Variants in PICALM observed in about 807,000 individuals in gnomAD.
PICALM encodes phosphatidylinositol binding clathrin assembly protein.
A neutral mutation model predicts 80.5 loss-of-function variants in PICALM; 40 were observed. That is an observed-to-expected ratio of 0.50 (90% CI 0.39 to 0.65). The LOEUF is 0.65. PICALM is among the 30% of genes least tolerant of loss of function. The pLI is 0.00. For synonymous variants in PICALM, 288 were observed against 260.3 expected, an observed-to-expected ratio of 1.11 and a Z score of -1.02; for missense variants, 676 against 778.9, an observed-to-expected ratio of 0.87 and a Z score of 1.57.
intron 3 of PICALM, among the ~76,000 whole-genome samples, chr11:86,025,942 G>C (rs892606657): frequency 6.6e-6 from 1 of 152,144 alleles, no homozygotes; most frequent in East Asian, 1.9e-4. Context: ...CAATCTTACT[G>C]GGTAGGTACT....
intron 5 of PICALM, 151 bp downstream of exon 5, chr11:86,014,719 T>C (rs2136336134): frequency 2.2e-6 from 1 of 464,404 alleles, no homozygotes; most frequent in East Asian, 3.5e-5. Flanking sequence ...CAGAAAGTAA[T>C]TTGACTTGAG....
intron 13 of PICALM, among the ~76,000 whole-genome samples, chr11:85,987,896 T>C (rs377137783): frequency 1.1e-3 from 161 of 152,376 alleles, no homozygotes; most frequent in African/African-American, 3.6e-3. Flanking sequence ...CCAACTTGCA[T>C]AGCCTTAAAA....
rs964558063 is a variant in PICALM, at chr11:86,027,216, A to C, written c.274-849T>G. ...ACATATTTCTTCATGGTCTCCATGC[A>C]TAAGTATATGAGTATATGAGTTTTT... On this transcript the variant is annotated intron_variant, in intron 2 of 19. Transcript: ENST00000393346. Among the ~76,000 whole-genome samples, 8 of 152,192 alleles carry C rather than the reference A, an allele frequency of 5.3e-5. No homozygotes were observed. The South Asian group carries it at 1.4e-3, about 28-fold the overall frequency.
At chr11:85,978,041 T>C (rs1291696310) in intron 17 of PICALM, 2 of 1,594,130 alleles carry the variant, frequency 1.3e-6, no homozygotes, top group South Asian at 1.1e-5. Flanking sequence ...GCCAATTTAT[T>C]GCAAAAAGGC....
chr11:85,986,025 T>C (rs910481128), intron 13 of PICALM, among the ~76,000 whole-genome samples: 2 of 152,054 alleles, frequency 1.3e-5, no homozygotes, highest in Non-Finnish European at 2.9e-5. Flanking sequence ...TGTGAAATTA[T>C]GACATAATTA....
intron 19 of PICALM, among the ~76,000 whole-genome samples, chr11:85,972,689 T>C (rs1332234530): frequency 6.6e-6 from 1 of 152,240 alleles, no homozygotes; most frequent in Non-Finnish European, 1.5e-5. Context: ...TAGCATGGAC[T>C]ATAGCTTTAA....
At chr11:86,029,993 A>G (rs571880792) in intron 2 of PICALM, among the ~76,000 whole-genome samples, 1 of 152,178 alleles carries the variant, frequency 6.6e-6, no homozygotes, top group Non-Finnish European at 1.5e-5. Flanking sequence ...TAAAAATTAA[A>G]AACTACAAAT....
At chr11:85,969,809 G>C (rs1439912641) in intron 19 of PICALM, 1 of 174,520 alleles carries the variant, frequency 5.7e-6, no homozygotes, top group African/African-American at 2.4e-5. Flanking sequence ...ATGAGCCACT[G>C]TGTTCGGCCA....
chr11:85,967,731 AAAAACAAAACC>A (rs1476839404), intron 19 of PICALM, among the ~76,000 whole-genome samples: 1 of 152,194 alleles, frequency 6.6e-6, no homozygotes, highest in African/African-American at 2.4e-5. Context: ...AACAAAACCA[AAAAACAAAACC>A]AAAACGAAAC....
At chr11:85,961,185 G>T (rs191209987) in intron 19 of PICALM, among the ~76,000 whole-genome samples, 37 of 152,246 alleles carry the variant, frequency 2.4e-4, no homozygotes, top group Admixed American at 1.4e-3. Flanking sequence ...CCAAAGCTGT[G>T]CAACTCTGAC....
chr11:85,994,220 C>T (rs2094886220), intron 12 of PICALM, among the ~76,000 whole-genome samples: 1 of 152,088 alleles, frequency 6.6e-6, no homozygotes, highest in Admixed American at 6.5e-5. Context: ...CCAAAATTTT[C>T]AGGGTGATGA....
At chr11:86,057,190 C>CA (rs1041485274) in intron 1 of PICALM, among the ~76,000 whole-genome samples, 5 of 150,648 alleles carry the variant, frequency 3.3e-5, no homozygotes, top group Admixed American at 6.6e-5. Flanking sequence ...TTTAAAATTG[C>CA]AAAAAAATGT....
chr11:86,021,234 C>G (rs2095557009), intron 4 of PICALM, among the ~76,000 whole-genome samples: 1 of 151,860 alleles, frequency 6.6e-6, no homozygotes, highest in Non-Finnish European at 1.5e-5. Context: ...GCCTGTGTTC[C>G]CAGCTACTCA....
rs1028561696 is a variant in PICALM, at chr11:85,990,310, A to T, written c.1348T>A (p.Ser450Thr). The change falls in exon 13 of 20, where the codon TCC becomes ACC. Residue 450 changes from serine (S) to threonine (T), a missense_variant. Ser to Thr is a moderately conservative substitution (Grantham distance 58). This residue lies in a region of PICALM where 391 missense variants were observed against 383.6 expected (regional missense o/e 1.02). Coordinates refer to ENST00000393346, the MANE Select transcript of PICALM (RefSeq NM_007166.4). The part of the protein sequence containing the change: ...LTKSSGDVHL[S>T]ISSDVSTFTT... ...AAAGTAGATACATCTGAAGAAATGG[A>T]AAGGTGAACATCACCACTACTTTTT... 6.2e-7 allele frequency: 1 copy of T among 1,605,242 alleles called. No individual in the cohort carries two copies. Among genetic ancestry groups the T allele is most frequent in the African/African-American group, 1.3e-5 (1 of 74,778 alleles).
At chr11:86,027,445 T>G (rs2095666459) in intron 2 of PICALM, among the ~76,000 whole-genome samples, 1 of 152,046 alleles carries the variant, frequency 6.6e-6, no homozygotes, top group South Asian at 2.1e-4. Flanking sequence ...TTTTTTTTAA[T>G]GCATGTAGAG....
intron 1 of PICALM, among the ~76,000 whole-genome samples, chr11:86,034,702 T>C (rs1257632298): frequency 2.0e-5 from 3 of 152,054 alleles, no homozygotes; most frequent in Non-Finnish European, 4.4e-5. Flanking sequence ...TTCTCTGCTT[T>C]AGGTATGAGT....
At chr11:86,049,883 T>C (rs2096149407) in intron 1 of PICALM, among the ~76,000 whole-genome samples, 1 of 151,202 alleles carries the variant, frequency 6.6e-6, no homozygotes, top group East Asian at 1.9e-4. Context: ...AAACTACATA[T>C]TGGACACAAC....
chr11:85,984,034 T>A, intron 13 of PICALM, 61 bp from the exon 14 acceptor site: 1 of 738,466 alleles, frequency 1.4e-6, no homozygotes, highest in Non-Finnish European at 2.3e-6. Flanking sequence ...TACGACTATT[T>A]AATAATGATG....
intron 8 of PICALM, 42 bp from the exon 9 acceptor site, chr11:86,003,493 C>A: frequency 1.6e-6 from 2 of 1,278,146 alleles, no homozygotes; most frequent in South Asian, 1.4e-5. Flanking sequence ...ATAATTAGGC[C>A]ACTGGTCAAA....
Sources: gnomAD v4.1 joint callset for allele counts (sites outside exome capture counted in the v4.1 genomes callset) on GRCh38, gnomAD v4.1.1 for gene constraint, gnomAD v4.1.1 regional missense constraint, MANE v1.5 for transcripts, NCBI Gene and HGNC (gene_info 2026-07-23, HGNC 2026-07-21) for gene names.